LPP: variants seen among roughly 807,000 people sequenced by gnomAD.
LPP encodes the protein lipoma-preferred partner.
LPP carries 38 observed loss-of-function variants against 60.4 expected under a neutral mutation model. That is an observed-to-expected ratio of 0.63 (90% CI 0.49 to 0.83). LPP has a LOEUF of 0.83. Ranked by LOEUF, LPP falls within the 40% of genes least tolerant of loss-of-function variation. LPP has a pLI of 0.00. For synonymous variants in LPP, 328 were observed against 290.8 expected (o/e 1.13, Z -1.30); for missense variants, 902 against 783.6 (o/e 1.15, Z -1.80).
chr3:188,890,585 A>C lies in LPP; in HGVS notation c.*16106A>C, dbSNP rs1271843161. The C allele has an allele frequency of 1.1e-5, 2 of 177,208 alleles. No individual in the cohort carries two copies. Among genetic ancestry groups the C allele is most frequent in the Admixed American group, 6.3e-5 (1 of 15,824 alleles). 11.0% of individuals were successfully genotyped at this position (177,208 alleles called of 1,614,324 possible). On this transcript the variant is annotated 3_prime_UTR_variant, in exon 12 of 12. Transcript: ENST00000617246. ...TTTTTTCAATGCTCTATAAGAATGA[A>C]TATGGAAATTATATTTCTTTTTTCT...
chr3:188,655,337 GTC>G (rs1337309885), intron 7 of LPP, among the ~76,000 whole-genome samples: 1 of 152,142 alleles, frequency 6.6e-6, no homozygotes, highest in African/African-American at 2.4e-5. Context: ...TGGTATCAGG[GTC>G]AAGATGAGGG....
At chr3:188,470,279 CA>C (rs1801482907) in intron 4 of LPP, among the ~76,000 whole-genome samples, 4 of 94,928 alleles carry the variant, frequency 4.2e-5, no homozygotes, top group Non-Finnish European at 8.4e-5. Context: ...CTCTCTCTCT[CA>C]TACACACACA....
chr3:188,629,800 C>A (rs1478209875), intron 7 of LPP, among the ~76,000 whole-genome samples: 1 of 151,946 alleles, frequency 6.6e-6, no homozygotes, highest in African/African-American at 2.4e-5. Context: ...AAGGACAAAG[C>A]CAGAGTCATC....
chr3:188,465,991 C>T (rs1280867802), intron 4 of LPP, among the ~76,000 whole-genome samples: 2 of 152,094 alleles, frequency 1.3e-5, no homozygotes, highest in Non-Finnish European at 2.9e-5. Flanking sequence ...AGGGGATAGG[C>T]TATTTCCATG....
chr3:188,873,654 T>C (rs1768746325), intron 11 of LPP, among the ~76,000 whole-genome samples: 1 of 152,170 alleles, frequency 6.6e-6, no homozygotes, highest in African/African-American at 2.4e-5. Context: ...AGGCAGAAGT[T>C]ATTTTCAGAG....
chr3:188,722,803 TTTC>T (rs1259824537), intron 8 of LPP, among the ~76,000 whole-genome samples: 4 of 152,186 alleles, frequency 2.6e-5, no homozygotes, highest in African/African-American at 9.7e-5. Context: ...ATGAAAAAGT[TTTC>T]TAAACCGTAG....
chr3:188,658,102 T>C (rs1853716305), intron 7 of LPP, among the ~76,000 whole-genome samples: 1 of 123,918 alleles, frequency 8.1e-6, no homozygotes, highest in Non-Finnish European at 1.9e-5. Flanking sequence ...TTTGAAGAAG[T>C]GTTCCATATT....
intron 4 of LPP, among the ~76,000 whole-genome samples, chr3:188,423,367 C>A (rs1788392911): frequency 6.6e-6 from 1 of 152,136 alleles, no homozygotes; most frequent in Non-Finnish European, 1.5e-5. Context: ...TGGATTGGTT[C>A]CAAATCTTTG....
chr3:188,527,076 C>A (rs1169200115), intron 6 of LPP, among the ~76,000 whole-genome samples: 1 of 152,140 alleles, frequency 6.6e-6, no homozygotes, highest in Non-Finnish European at 1.5e-5. Flanking sequence ...ACCAAGGCTG[C>A]ATTTAGAGAT....
At chr3:188,538,486 C>T (rs377575060) in intron 6 of LPP, among the ~76,000 whole-genome samples, 3 of 152,080 alleles carry the variant, frequency 2.0e-5, no homozygotes, top group Admixed American at 6.5e-5. Context: ...CAAACCACAA[C>T]GAGATATCAC....
At chr3:188,803,852 G>T (rs768470454) in intron 9 of LPP, among the ~76,000 whole-genome samples, 1 of 152,020 alleles carries the variant, frequency 6.6e-6, no homozygotes, top group Non-Finnish European at 1.5e-5. Context: ...AATCCTTCTG[G>T]GGTTTTGATT....
At chr3:188,636,659 T>A (rs1848855369) in intron 7 of LPP, among the ~76,000 whole-genome samples, 1 of 152,074 alleles carries the variant, frequency 6.6e-6, no homozygotes, top group Non-Finnish European at 1.5e-5. Flanking sequence ...AATGTCCCTG[T>A]CTGACAGCTT....
At chr3:188,464,661 A>G (rs866865426) in intron 4 of LPP, among the ~76,000 whole-genome samples, 9 of 152,328 alleles carry the variant, frequency 5.9e-5, no homozygotes, top group Non-Finnish European at 1.0e-4. Context: ...TCAACAGAGC[A>G]ACAACATAGA....
intron 7 of LPP, among the ~76,000 whole-genome samples, chr3:188,690,398 G>A (rs1861846496): frequency 6.6e-6 from 1 of 152,094 alleles, no homozygotes; most frequent in Non-Finnish European, 1.5e-5. Context: ...AGTATTTGTT[G>A]AAGCAAAAAA....
intron 9 of LPP, among the ~76,000 whole-genome samples, chr3:188,816,977 G>A (rs1752644003): frequency 6.6e-6 from 1 of 152,194 alleles, no homozygotes; most frequent in African/African-American, 2.4e-5. Flanking sequence ...TCAAGAGTAA[G>A]TAGTGAGAAG....
At position 188,607,398 on chromosome 3, in the gene LPP, T is replaced by G. The variant is rs1286847264; in HGVS notation, c.430-1763T>G. Among the ~76,000 whole-genome samples, 32 of 67,538 alleles carry G rather than the reference T, an allele frequency of 4.7e-4. 1 individual carries two copies. The East Asian group carries it at 0.012, about 25-fold the overall frequency. The allele number at this position is 67,538 out of a possible 152,430, so 44.3% of individuals were successfully genotyped here. On this transcript the variant is annotated intron_variant, in intron 6 of 11. Transcript: ENST00000617246. Reference sequence around the variant, plus strand: ...ATATATATATATATATATATATATATATATATATATATATATATAATTTTT... The same window carrying G: ...ATATATATATATATATATATATATAGATATATATATATATATATAATTTTT...
intron 5 of LPP, among the ~76,000 whole-genome samples, chr3:188,491,271 TAAAG>T (rs1383860631): frequency 6.6e-6 from 1 of 152,090 alleles, no homozygotes; most frequent in Non-Finnish European, 1.5e-5. Context: ...GTTAGTGTGA[TAAAG>T]GAGGAGGAGG....
intron 6 of LPP, among the ~76,000 whole-genome samples, chr3:188,565,017 G>A (rs576396532): frequency 6.6e-6 from 1 of 151,794 alleles, no homozygotes; most frequent in African/African-American, 2.4e-5. Flanking sequence ...TTCTTTTTCT[G>A]TATCCTTACA....
At chr3:188,405,987 CCCTT>C (rs1783398055) in intron 3 of LPP, 121 bp from the exon 4 acceptor site, 2 of 718,292 alleles carry the variant, frequency 2.8e-6, no homozygotes, top group Non-Finnish European at 4.4e-6. Context: ...TTTTCTTTCA[CCCTT>C]CTTTCCAGAG....
Sources: allele counts gnomAD v4.1 joint callset (sites outside exome capture counted in the v4.1 genomes callset), GRCh38; gene constraint gnomAD v4.1.1; transcripts MANE v1.5; gene names NCBI Gene and HGNC (gene_info 2026-07-23, HGNC 2026-07-21).